Variants in AP2A2 observed in about 807,000 individuals in gnomAD.
AP2A2 encodes AP-2 complex subunit alpha-2.
Under a neutral mutation model 104.2 loss-of-function variants are expected in AP2A2, and 32 were observed. That is an observed-to-expected ratio of 0.31 (90% CI 0.23 to 0.41). The LOEUF (loss-of-function observed/expected upper bound fraction) is 0.41. Among genes scored for constraint, AP2A2 ranks in the 10% least tolerant of loss-of-function variants. The pLI is 1.00. For synonymous variants in AP2A2, 539 were observed against 533.3 expected, an observed-to-expected ratio of 1.01 and a Z score of -0.15; for missense variants, 912 against 1,261.0, an observed-to-expected ratio of 0.72 and a Z score of 4.19.
Position 992,467 on chromosome 11 carries a change from T to C in AP2A2, c.1270-36T>C, listed in dbSNP as rs1855691477. On this transcript the variant is annotated intron_variant, in intron 10 of 21. Coordinates refer to ENST00000448903, the MANE Select transcript of AP2A2 (RefSeq NM_012305.4). The surrounding 1 kb of genome is among the most constrained non-coding windows in gnomAD (Gnocchi z 6.4). Reference sequence around the variant, plus strand: ...GTTTGGTCTTGGGATTGCCATGGCCTGCAGGTGCCGGCCCTCAGCAGCCTG... The same window carrying C: ...GTTTGGTCTTGGGATTGCCATGGCCCGCAGGTGCCGGCCCTCAGCAGCCTG... 9.0e-6 allele frequency: 14 copies of C among 1,554,700 alleles called. No individual in the cohort carries two copies. In the East Asian group the frequency reaches 2.9e-4, roughly 32 times the overall value.
At chr11:936,728 C>A (rs1340013212) in intron 1 of AP2A2, among the ~76,000 whole-genome samples, 1 of 152,164 alleles carries the variant, frequency 6.6e-6, no homozygotes, top group Admixed American at 6.5e-5. Flanking sequence ...ATTTCACCTT[C>A]TTAGAGCAGA....
intron 1 of AP2A2, chr11:941,044 C>T: frequency 1.0e-5 from 4 of 393,508 alleles, no homozygotes; most frequent in South Asian, 7.5e-5. Flanking sequence ...TCTCACTTTT[C>T]CAGCTTGTCT....
chr11:989,388 C>T (rs1247352072), intron 10 of AP2A2, among the ~76,000 whole-genome samples: 1 of 152,150 alleles, frequency 6.6e-6, no homozygotes, highest in Admixed American at 6.5e-5. Context: ...CCTGCCTGTC[C>T]TTGCAGTGGT....
In AP2A2 at chr11:999,872, C is replaced by T. The variant is rs544888564; in HGVS notation, c.1957-560C>T. The stretch of plus-strand genomic sequence containing the variant: ...AGGCTGGAGTGCCGTGGTGCGATCT[C>T]GGCTCACTGCAAGCTCCGCCTCCCG... On this transcript the variant is annotated intron_variant, in intron 14 of 21. Coordinates refer to ENST00000448903, the MANE Select transcript of AP2A2 (RefSeq NM_012305.4). Among the ~76,000 whole-genome samples, 85 of 147,642 alleles carry T rather than the reference C, an allele frequency of 5.8e-4. 1 individual carries two copies. The South Asian group carries it at 0.01, about 17-fold the overall frequency.
At chr11:937,167 C>T (rs1853485643) in intron 1 of AP2A2, among the ~76,000 whole-genome samples, 1 of 152,022 alleles carries the variant, frequency 6.6e-6, no homozygotes, top group Admixed American at 6.6e-5. Context: ...TTACAGGCGC[C>T]CGCCACTATG....
intron 1 of AP2A2, among the ~76,000 whole-genome samples, chr11:937,129 C>G (rs1347142546): frequency 6.6e-6 from 1 of 152,114 alleles, no homozygotes; most frequent in East Asian, 1.9e-4. Context: ...AAGTGATTCT[C>G]CTGCCTCAGC....
At chr11:994,522 A>C (rs1397980961) in intron 14 of AP2A2, among the ~76,000 whole-genome samples, 6 of 125,372 alleles carry the variant, frequency 4.8e-5, no homozygotes, top group African/African-American at 1.9e-4. Flanking sequence ...CCCGGGGGCC[A>C]CTGTCCCTGC....
intron 1 of AP2A2, chr11:933,467 C>G: frequency 2.2e-6 from 1 of 450,290 alleles, no homozygotes; most frequent in South Asian, 1.6e-5. Flanking sequence ...GAGAGAATTT[C>G]CGGGTGGGTG....
intron 6 of AP2A2, among the ~76,000 whole-genome samples, chr11:982,089 C>T (rs1198979692): frequency 6.6e-6 from 1 of 152,210 alleles, no homozygotes; most frequent in Admixed American, 6.5e-5. Flanking sequence ...CTCACTTTGT[C>T]GCCCAGGCTA....
intron 1 of AP2A2, among the ~76,000 whole-genome samples, chr11:927,501 G>C (rs754616513): frequency 2.1e-5 from 3 of 143,234 alleles, no homozygotes; most frequent in African/African-American, 2.6e-5. Context: ...AACCCTTCCT[G>C]TACTCTGTTA....
At position 984,756 on chromosome 11, in the gene AP2A2, A is replaced by AACTT; in HGVS notation, c.814+5_814+6insTTAC. 6.2e-7 allele frequency: 1 copy of AACTT among 1,602,712 alleles called. No individual in the cohort carries two copies. Among genetic ancestry groups the AACTT allele is most frequent in the Non-Finnish European group, 8.5e-7 (1 of 1,171,318 alleles). ...GCTGCAGTGCTACCCACCCCCAGGTAACGCGCAGGCCGCGGCTCCTGAAGC... is the reference window on the plus strand; with the variant it reads ...GCTGCAGTGCTACCCACCCCCAGGTAACTTACGCGCAGGCCGCGGCTCCTGAAGC... On this transcript the variant is annotated splice_donor_region_variant and intron_variant, in intron 7 of 21. Transcript: ENST00000448903.
intron 1 of AP2A2, chr11:948,463 A>G (rs2134512400): frequency 6.6e-6 from 1 of 152,388 alleles, no homozygotes; most frequent in Non-Finnish European, 1.5e-5. Flanking sequence ...GGAACAATAC[A>G]GAGATTAGCA....
intron 2 of AP2A2, 35 bp from the exon 3 acceptor site, chr11:970,134 C>A (rs757665852): frequency 6.2e-7 from 1 of 1,610,284 alleles, no homozygotes; most frequent in African/African-American, 1.3e-5. Flanking sequence ...CCTCTGCCCG[C>A]CTGGAATAAA....
chr11:985,436 C>T lies in AP2A2; in HGVS notation c.816C>T (p.Asp272=). 1 of 1,613,688 alleles carries T rather than the reference C, an allele frequency of 6.2e-7. No individual in the cohort carries two copies. The highest frequency in any genetic ancestry group is 8.5e-7 in the Non-Finnish European group (1 of 1,179,764). The change falls in exon 8 of 22, where the codon GAC becomes GAT. Residue 272 remains aspartate, a splice_region_variant and synonymous_variant. Coordinates refer to ENST00000448903, the MANE Select transcript of AP2A2 (RefSeq NM_012305.4). ...GCACCGTTCTGTCTTGCCCAGAAGA[C>T]CCTGCAGTGCGAGGCCGCCTGACTG... ...LRLLQCYPPP[D]PAVRGRLTEC...
At chr11:950,196 A>C (rs1207959960) in intron 1 of AP2A2, among the ~76,000 whole-genome samples, 1 of 152,028 alleles carries the variant, frequency 6.6e-6, no homozygotes, top group Non-Finnish European at 1.5e-5. Flanking sequence ...ATGGACTCCT[A>C]CCTTACACTA....
intron 1 of AP2A2, chr11:932,578 T>C (rs1038890289): frequency 5.2e-5 from 19 of 368,842 alleles, no homozygotes; most frequent in Non-Finnish European, 9.7e-5. Context: ...AAAAGAATGC[T>C]CTCCTTGCAT....
chr11:974,831 A>G (rs985251865), intron 4 of AP2A2, among the ~76,000 whole-genome samples: 3 of 151,682 alleles, frequency 2.0e-5, no homozygotes, highest in African/African-American at 7.3e-5. Flanking sequence ...CTAAAACCAG[A>G]AAAATTAGCT....
intron 1 of AP2A2, among the ~76,000 whole-genome samples, chr11:956,435 T>C (rs1185799691): frequency 6.6e-6 from 1 of 152,232 alleles, no homozygotes; most frequent in African/African-American, 2.4e-5. Context: ...CCACCATGCC[T>C]GGCCATATTT....
chr11:954,019 G>C (rs1352743742), intron 1 of AP2A2, among the ~76,000 whole-genome samples: 1 of 152,024 alleles, frequency 6.6e-6, no homozygotes, highest in African/African-American at 2.4e-5. Context: ...ATTTTTAGTA[G>C]AGACGAGGTT....
Sources: allele counts gnomAD v4.1 joint callset (sites outside exome capture counted in the v4.1 genomes callset), GRCh38; gene constraint gnomAD v4.1.1; non-coding constraint Gnocchi (gnomAD v3.1); transcripts MANE v1.5; gene names NCBI Gene and HGNC (gene_info 2026-07-23, HGNC 2026-07-21).